SLC1A1: variants seen among roughly 807,000 people sequenced by gnomAD.
The protein encoded by SLC1A1 is excitatory amino acid transporter 3.
In SLC1A1, 43 loss-of-function variants were observed where a neutral mutation model predicts 53.3. That is an observed-to-expected ratio of 0.81 (90% CI 0.63 to 1.04). The LOEUF is 1.04. SLC1A1 is among the 50% of genes least tolerant of loss of function. SLC1A1 has a pLI of 0.00. For synonymous variants in SLC1A1, 307 were observed against 243.2 expected, an observed-to-expected ratio of 1.26 and a Z score of -2.44; for missense variants, 748 against 664.9, an observed-to-expected ratio of 1.12 and a Z score of -1.37.
intron 2 of SLC1A1, among the ~76,000 whole-genome samples, chr9:4,546,828 G>A (rs1341165913): frequency 6.6e-6 from 1 of 152,114 alleles, no homozygotes; most frequent in Admixed American, 6.6e-5. Flanking sequence ...GGGCTCCTTT[G>A]AGAATACAAT....
intron 1 of SLC1A1, among the ~76,000 whole-genome samples, chr9:4,531,740 G>C (rs947935014): frequency 6.6e-6 from 1 of 152,186 alleles, no homozygotes; most frequent in Non-Finnish European, 1.5e-5. Flanking sequence ...GGACATCTGA[G>C]AACAGGCAGA....
chr9:4,512,312 ACAC>A (rs1359500523), intron 1 of SLC1A1, among the ~76,000 whole-genome samples: 3 of 152,142 alleles, frequency 2.0e-5, no homozygotes, highest in Non-Finnish European at 4.4e-5. Context: ...CAGGAATTGA[ACAC>A]CATCTTGGGC....
chr9:4,565,116 T>C (rs1471453679), intron 4 of SLC1A1, among the ~76,000 whole-genome samples: 2 of 152,212 alleles, frequency 1.3e-5, no homozygotes, highest in African/African-American at 4.8e-5. Flanking sequence ...CTTTCCAGTT[T>C]TTCTTTTTAA....
At chr9:4,550,684 C>A (rs1384745177) in intron 2 of SLC1A1, among the ~76,000 whole-genome samples, 3 of 152,204 alleles carry the variant, frequency 2.0e-5, no homozygotes, top group Non-Finnish European at 4.4e-5. Context: ...AGCCACCACA[C>A]CTGCCCTACT....
intron 1 of SLC1A1, among the ~76,000 whole-genome samples, chr9:4,520,284 TATG>T (rs1186026878): frequency 6.6e-6 from 1 of 152,202 alleles, no homozygotes; most frequent in African/African-American, 2.4e-5. Flanking sequence ...GTGCTATTAG[TATG>T]ATGATTAAAG....
At chr9:4,555,417 T>C (rs1335527309) in intron 2 of SLC1A1, among the ~76,000 whole-genome samples, 11 of 152,210 alleles carry the variant, frequency 7.2e-5, no homozygotes, top group African/African-American at 2.7e-4. Flanking sequence ...TCTTTTGCCC[T>C]CAGATGTTTA....
Position 4,496,087 on chromosome 9 carries a change from T to C in SLC1A1, c.91+5317T>C, listed in dbSNP as rs548983431. 3.9e-5 allele frequency among the ~76,000 whole-genome samples: 6 copies of C among 152,152 alleles called. No individual in the cohort carries two copies. In the East Asian group the frequency reaches 1.2e-3, roughly 29 times the overall value. On this transcript the variant is annotated intron_variant, in intron 1 of 11. Transcript: ENST00000262352. ...AAGGCTTTGGGAATGAATGAACCTA[T>C]CCTGGGAGAAAAGGGAGAAGAGAAG...
chr9:4,535,636 A>C (rs950981186), intron 1 of SLC1A1, among the ~76,000 whole-genome samples: 6 of 152,200 alleles, frequency 3.9e-5, no homozygotes, highest in Non-Finnish European at 8.8e-5. Context: ...ATACTGCCCA[A>C]GGTAATTTAT....
At chr9:4,514,400 T>A (rs1330048438) in intron 1 of SLC1A1, among the ~76,000 whole-genome samples, 1 of 152,152 alleles carries the variant, frequency 6.6e-6, no homozygotes, top group African/African-American at 2.4e-5. Flanking sequence ...TTGTTGGGCA[T>A]GGAAGGTTCA....
At chr9:4,561,770 A>G (rs1157388033) in intron 3 of SLC1A1, among the ~76,000 whole-genome samples, 1 of 152,214 alleles carries the variant, frequency 6.6e-6, no homozygotes, top group Non-Finnish European at 1.5e-5. Context: ...ATGCGCCTGT[A>G]GTCCCAGCTA....
At chr9:4,491,239 G>A (rs2130783782) in intron 1 of SLC1A1, among the ~76,000 whole-genome samples, 1 of 152,344 alleles carries the variant, frequency 6.6e-6, no homozygotes, top group South Asian at 2.1e-4. Flanking sequence ...TGGCCTCCGG[G>A]ATGGGCCGGA....
chr9:4,529,117 G>A lies in SLC1A1; in HGVS notation c.92-15450G>A, dbSNP rs10974598. On this transcript the variant is annotated intron_variant, in intron 1 of 11. Coordinates refer to ENST00000262352, the MANE Select transcript of SLC1A1 (RefSeq NM_004170.6). The stretch of plus-strand genomic sequence containing the variant: ...TTCCCCTTCTCCACTCTTTAACACC[G>A]CTCACCTTGGATCACAGCAGCCACT... 4.5e-3 allele frequency among the ~76,000 whole-genome samples: 691 copies of A among 151,992 alleles called. 5 individuals are homozygous for A. The highest frequency in any genetic ancestry group is 5.9e-3 in the Non-Finnish European group (404 of 67,972).
At chr9:4,521,423 C>T (rs2130831594) in intron 1 of SLC1A1, among the ~76,000 whole-genome samples, 1 of 152,238 alleles carries the variant, frequency 6.6e-6, no homozygotes, top group South Asian at 2.1e-4. Flanking sequence ...CCCTCTGCCA[C>T]CTCCAGGAAA....
At chr9:4,500,386 C>A (rs1384863567) in intron 1 of SLC1A1, among the ~76,000 whole-genome samples, 1 of 152,188 alleles carries the variant, frequency 6.6e-6, no homozygotes, top group Non-Finnish European at 1.5e-5. Context: ...TCGGCTACTG[C>A]AACCTCCACC....
At chr9:4,501,907 C>T (rs560567143) in intron 1 of SLC1A1, among the ~76,000 whole-genome samples, 1 of 151,878 alleles carries the variant, frequency 6.6e-6, no homozygotes, top group African/African-American at 2.4e-5. Context: ...TACCTCGTTA[C>T]TAATAATTCA....
In SLC1A1 at chr9:4,576,631, T is replaced by C; in HGVS notation, c.1061T>C (p.Ile354Thr). The C allele has an allele frequency of 6.2e-7, 1 of 1,614,204 alleles. No homozygotes were observed. Among genetic ancestry groups the C allele is most frequent in the Non-Finnish European group, 8.5e-7 (1 of 1,180,012 alleles). The part of the protein sequence containing the change: ...AEENNQVDKR[I>T]TRFVLPVGAT... ...GAAAATAACCAGGTGGACAAGAGGA[T>C]CACTCGATTCGTGTTACCCGTTGGT... The change falls in exon 10 of 12, where the codon ATC becomes ACC. Residue 354 changes from isoleucine to threonine, a missense_variant. Ile to Thr is a moderately conservative substitution (Grantham distance 89, BLOSUM62 -1). Transcript: ENST00000262352.
intron 11 of SLC1A1, 90 bp from the exon 12 acceptor site, chr9:4,585,222 A>G: frequency 6.4e-7 from 1 of 1,555,324 alleles, no homozygotes; most frequent in Non-Finnish European, 8.9e-7. Flanking sequence ...ACTGAAATCT[A>G]AACTGAACAT....
rs1821547928 is a variant in SLC1A1, at chr9:4,586,047, C to G, written c.*489C>G. On this transcript the variant is annotated 3_prime_UTR_variant, in exon 12 of 12. Transcript: ENST00000262352. ...GTCCCCAGTTAATGTGCCAAAATGT[C>G]AATTTTTAACTTATCTCCAGCCAAT... 1 of 175,262 alleles carries G rather than the reference C, an allele frequency of 5.7e-6. No homozygotes were observed. The highest frequency in any genetic ancestry group is 1.2e-5 in the Non-Finnish European group (1 of 81,874). The allele number at this position is 175,262 out of a possible 1,614,324, so 10.9% of individuals were successfully genotyped here. A position where few individuals can be genotyped will look rare whatever the true frequency, so the allele number is the denominator to read the frequency against.
intron 10 of SLC1A1, 102 bp from the exon 11 acceptor site, chr9:4,582,936 C>A: frequency 1.4e-6 from 2 of 1,423,864 alleles, no homozygotes; most frequent in Non-Finnish European, 2.0e-6. Flanking sequence ...AGGGACACAG[C>A]AGTAATAGCC....
Sources: gnomAD v4.1 joint callset for allele counts (sites outside exome capture counted in the v4.1 genomes callset) on GRCh38, gnomAD v4.1.1 for gene constraint, MANE v1.5 for transcripts, NCBI Gene and HGNC (gene_info 2026-07-23, HGNC 2026-07-21) for gene names.